OPRM1: variants seen among roughly 807,000 people sequenced by gnomAD.
The protein encoded by OPRM1 is opioid receptor mu 1.
OPRM1 carries 27 observed loss-of-function variants against 31.8 expected under a neutral mutation model. The ratio of observed to expected loss-of-function variants is 0.85; its 90% CI spans 0.63 to 1.17. The LOEUF (loss-of-function observed/expected upper bound fraction) is 1.17, where lower values mean the gene tolerates loss of function less well. Among genes scored for constraint, OPRM1 ranks in the 50% most tolerant of loss-of-function variants. The pLI is 0.00. For synonymous variants in OPRM1, 196 were observed against 189.9 expected (o/e 1.03, Z -0.26); for missense variants, 536 against 511.1 (o/e 1.05, Z -0.47).
intron 3 of OPRM1, among the ~76,000 whole-genome samples, chr6:154,229,863 G>GA (rs1482283150): frequency 6.6e-6 from 1 of 152,178 alleles, no homozygotes; most frequent in Non-Finnish European, 1.5e-5. Flanking sequence ...ACAGCCATAC[G>GA]ACGAAATGCT....
At chr6:154,195,159 T>C (rs1776497877) in intron 3 of OPRM1, among the ~76,000 whole-genome samples, 1 of 148,394 alleles carries the variant, frequency 6.7e-6, no homozygotes. Context: ...TTTTTTTTTT[T>C]TTTTTTGAGA....
At chr6:154,176,205 C>T (rs1203955994) in intron 3 of OPRM1, among the ~76,000 whole-genome samples, 3 of 152,176 alleles carry the variant, frequency 2.0e-5, no homozygotes, top group African/African-American at 7.2e-5. Context: ...GACAAACCCA[C>T]AGCCAATATC....
At chr6:154,078,470 C>A (rs952326179) in intron 1 of OPRM1, among the ~76,000 whole-genome samples, 3 of 152,186 alleles carry the variant, frequency 2.0e-5, no homozygotes, top group Admixed American at 1.3e-4. Flanking sequence ...AAATGACTGT[C>A]AATTCCATTA....
At chr6:154,216,247 C>T (rs1415451072) in intron 3 of OPRM1, among the ~76,000 whole-genome samples, 1 of 151,968 alleles carries the variant, frequency 6.6e-6, no homozygotes, top group Non-Finnish European at 1.5e-5. Flanking sequence ...ATTATTTATT[C>T]TATCAACACT....
At chr6:154,211,674 G>T (rs1777975365) in intron 3 of OPRM1, among the ~76,000 whole-genome samples, 1 of 152,138 alleles carries the variant, frequency 6.6e-6, no homozygotes, top group South Asian at 2.1e-4. Flanking sequence ...AAGAACATGT[G>T]TTTACAAAGA....
intron 1 of OPRM1, among the ~76,000 whole-genome samples, chr6:154,020,024 G>A (rs1412951329): frequency 7.2e-5 from 11 of 151,962 alleles, no homozygotes; most frequent in African/African-American, 1.2e-4. Flanking sequence ...GTGAGCCACC[G>A]CACCCAGCTG....
chr6:154,054,570 G>A (rs996155777), intron 1 of OPRM1, among the ~76,000 whole-genome samples: 2 of 151,972 alleles, frequency 1.3e-5, no homozygotes, highest in African/African-American at 2.4e-5. Context: ...AATATTTAAC[G>A]GATCTGTCCT....
chr6:154,199,234 G>T (rs1342708900), intron 3 of OPRM1, among the ~76,000 whole-genome samples: 1 of 152,222 alleles, frequency 6.6e-6, no homozygotes, highest in East Asian at 1.9e-4. Flanking sequence ...CTAAGAATTA[G>T]ATACTGTCTG....
rs532678466 is a variant in OPRM1, at chr6:154,234,945, C to T, written c.1165-11748C>T. Among the ~76,000 whole-genome samples, 115 of 152,314 alleles carry T rather than the reference C, an allele frequency of 7.6e-4. 1 individual carries two copies. The highest frequency in any genetic ancestry group is 6.8e-3 in the Middle Eastern group (2 of 294). ...GCTTCTGCTCAGTCTCATCTCTGCC[C>T]TATTCTTTCGGAAGCTTTAAAACCC... On this transcript the variant is annotated intron_variant, in intron 3 of 3. Transcript: ENST00000337049.
At chr6:154,072,288 A>G (rs948401075) in intron 1 of OPRM1, among the ~76,000 whole-genome samples, 1 of 152,228 alleles carries the variant, frequency 6.6e-6, no homozygotes, top group Admixed American at 6.5e-5. Context: ...ATAGCAAGGT[A>G]GGCAGTTGAG....
chr6:154,096,740 C>A (rs1400732062), intron 3 of OPRM1, among the ~76,000 whole-genome samples: 1 of 152,118 alleles, frequency 6.6e-6, no homozygotes, highest in African/African-American at 2.4e-5. Flanking sequence ...CAGACAAGCA[C>A]CCAGGGCTTC....
chr6:154,189,276 T>A (rs143290614), intron 3 of OPRM1, among the ~76,000 whole-genome samples: 1 of 152,326 alleles, frequency 6.6e-6, no homozygotes, highest in Non-Finnish European at 1.5e-5. Flanking sequence ...AGAGCGCTCA[T>A]CCATGCTGAA....
At chr6:154,101,241 G>C (rs1197655590) in intron 3 of OPRM1, among the ~76,000 whole-genome samples, 1 of 152,052 alleles carries the variant, frequency 6.6e-6, no homozygotes, top group African/African-American at 2.4e-5. Context: ...GACTTAAGAA[G>C]AATATCTCAC....
rs772717842 is a variant in OPRM1 at position 154,091,454 on chromosome 6, G to A, written c.1146G>A (p.Val382=). The stretch of plus-strand genomic sequence containing the variant: ...ACCACCCCTCCACGGCCAATACAGT[G>A]GATAGAACTAATCATCAGGTACGCA... ...TRDHPSTANT[V]DRTNHQLENL... is the part of the protein sequence containing the mutation. The change falls in exon 3 of 4, where the codon GTG becomes GTA. Residue 382 remains valine, a synonymous_variant. Transcript: ENST00000330432. 1.2e-6 allele frequency: 2 copies of A among 1,612,246 alleles called. No individual in the cohort carries two copies. Among genetic ancestry groups the A allele is most frequent in the East Asian group, 4.5e-5 (2 of 44,894 alleles).
intron 1 of OPRM1, among the ~76,000 whole-genome samples, chr6:154,044,647 AAAT>A (rs928738182): frequency 6.6e-6 from 1 of 151,402 alleles, no homozygotes; most frequent in African/African-American, 2.4e-5. Flanking sequence ...GCTGCAAAAA[AAAT>A]AAATCGGTTA....
chr6:154,079,212 A>G (rs1189582849), intron 1 of OPRM1, among the ~76,000 whole-genome samples: 4 of 152,242 alleles, frequency 2.6e-5, no homozygotes, highest in Admixed American at 1.3e-4. Context: ...GAGACATTTC[A>G]CAGGGTGCCC....
intron 3 of OPRM1, among the ~76,000 whole-genome samples, chr6:154,180,081 C>A (rs1241414102): frequency 3.9e-5 from 6 of 151,994 alleles, no homozygotes; most frequent in Admixed American, 3.9e-4. Flanking sequence ...TGAGATTTGT[C>A]CATAAAGCAG....
intron 3 of OPRM1, among the ~76,000 whole-genome samples, chr6:154,183,727 C>T (rs1363570752): frequency 6.6e-6 from 1 of 151,948 alleles, no homozygotes; most frequent in African/African-American, 2.4e-5. Flanking sequence ...GGTGAAACCC[C>T]ATCTGTACCA....
At position 154,124,984 on chromosome 6, in the gene OPRM1, T is replaced by C. The variant is rs764428474; in HGVS notation, c.*6263T>C. Among the ~76,000 whole-genome samples the C allele has an allele frequency of 6.6e-5, 10 of 152,168 alleles. No homozygotes were observed. Among genetic ancestry groups the C allele is most frequent in the African/African-American group, 1.2e-4 (5 of 41,422 alleles). On this transcript the variant is annotated 3_prime_UTR_variant, in exon 4 of 4. Coordinates refer to ENST00000330432, the MANE Select transcript of OPRM1 (RefSeq NM_000914.5). ...GTTCTGTAGAATCTCTCAGACCAGG[T>C]ACAGGACCTACCAAAGGCCACAGCC...
Sources: gnomAD v4.1 joint callset for allele counts (sites outside exome capture counted in the v4.1 genomes callset) on GRCh38, gnomAD v4.1.1 for gene constraint, MANE v1.5 for transcripts, NCBI Gene and HGNC (gene_info 2026-07-23, HGNC 2026-07-21) for gene names.